Variants in PEX14 observed in about 807,000 individuals in gnomAD.
PEX14 encodes the protein peroxisomal membrane protein PEX14.
PEX14 carries 15 observed loss-of-function variants against 49.5 expected under a neutral mutation model. That is an observed-to-expected ratio of 0.30 (90% CI 0.20 to 0.47). PEX14 has a LOEUF of 0.47. Among genes scored for constraint, PEX14 ranks in the 20% least tolerant of loss-of-function variants. The pLI is 1.00. For synonymous variants in PEX14, 210 were observed against 212.7 expected (o/e 0.99, Z 0.11); for missense variants, 398 against 494.8 (o/e 0.80, Z 1.86).
intron 2 of PEX14, among the ~76,000 whole-genome samples, chr1:10,519,901 T>C (rs2124451739): frequency 6.6e-6 from 1 of 152,208 alleles, no homozygotes; most frequent in Admixed American, 6.5e-5. Context: ...TCGACCTCCA[T>C]GTAGCTGGGA....
chr1:10,604,437 G>A (rs1457941099), intron 4 of PEX14, among the ~76,000 whole-genome samples: 2 of 152,150 alleles, frequency 1.3e-5, no homozygotes, highest in Non-Finnish European at 2.9e-5. Context: ...GGGCAACATA[G>A]TGAGATGCCA....
At chr1:10,570,912 A>G (rs1001770703) in intron 3 of PEX14, among the ~76,000 whole-genome samples, 1 of 131,122 alleles carries the variant, frequency 7.6e-6, no homozygotes, top group Admixed American at 9.6e-5. Flanking sequence ...CAGTGGCGTG[A>G]TCACAGCTCA....
Position 10,613,060 on chromosome 1 carries a change from T to G in PEX14, c.299-5272T>G, listed in dbSNP as rs1266440659. ...CTCGGCAGGATGGTTCCGTGACAGC[T>G]CTCAGCTCTGTGTTGCCGATGAACC... On this transcript the variant is annotated intron_variant, in intron 4 of 8. Coordinates refer to ENST00000356607, the MANE Select transcript of PEX14 (RefSeq NM_004565.3). This position sits in a 1 kb window ranked among gnomAD's most constrained non-coding sequence, Gnocchi z 5.0. Among the ~76,000 whole-genome samples, 1 of 152,200 alleles carries G rather than the reference T, an allele frequency of 6.6e-6. No homozygotes were observed. The highest frequency in any genetic ancestry group is 1.9e-4 in the East Asian group (1 of 5,194).
intron 1 of PEX14, among the ~76,000 whole-genome samples, chr1:10,480,913 G>C (rs1641273510): frequency 6.7e-6 from 1 of 149,480 alleles, no homozygotes; most frequent in African/African-American, 2.5e-5. Flanking sequence ...AGACATCAAG[G>C]ATATTTCATC....
At chr1:10,508,049 T>C (rs1412846875) in intron 2 of PEX14, among the ~76,000 whole-genome samples, 4 of 152,352 alleles carry the variant, frequency 2.6e-5, no homozygotes. Flanking sequence ...ACCACTGTCA[T>C]ATGGTTGATT....
rs961544876 is a variant in PEX14 at position 10,597,444 on chromosome 1, G to A, written c.170-1794G>A. On this transcript the variant is annotated intron_variant, in intron 3 of 8. Coordinates refer to ENST00000356607, the MANE Select transcript of PEX14 (RefSeq NM_004565.3). This position sits in a 1 kb window ranked among gnomAD's most constrained non-coding sequence, Gnocchi z 5.7. ...AACCTGAGAGGCACAAACTCAGGGC[G>A]GGGGTATTCTCTGTTGTTGCCTGGC... Among the ~76,000 whole-genome samples the A allele has an allele frequency of 1.3e-5, 2 of 152,192 alleles. No homozygotes were observed. Among genetic ancestry groups the A allele is most frequent in the African/African-American group, 4.8e-5 (2 of 41,446 alleles).
intron 3 of PEX14, 169 bp downstream of exon 3, chr1:10,536,466 TC>T (rs1298622400): frequency 7.6e-6 from 5 of 655,642 alleles, no homozygotes; most frequent in Non-Finnish European, 1.4e-5. Flanking sequence ...CAGGTTTCTT[TC>T]CTGACAATGG....
rs1292939056 is a variant in PEX14 at position 10,514,440 on chromosome 1, A to G, written c.84+19119A>G. Among the ~76,000 whole-genome samples, 2 of 152,294 alleles carry G rather than the reference A, an allele frequency of 1.3e-5. No individual in the cohort carries two copies. Among genetic ancestry groups the G allele is most frequent in the Non-Finnish European group, 1.5e-5 (1 of 68,030 alleles). On this transcript the variant is annotated intron_variant, in intron 2 of 8. Transcript: ENST00000356607. The surrounding 1 kb of genome is among the most constrained non-coding windows in gnomAD (Gnocchi z 4.4). ...TGTAACAATATACAGTGTTTGTTCA[A>G]TGTCCTGGCAGGAAATTGGTCTATT...
intron 3 of PEX14, among the ~76,000 whole-genome samples, chr1:10,541,781 C>T (rs370321105): frequency 4.6e-4 from 70 of 152,318 alleles, no homozygotes; most frequent in African/African-American, 1.7e-3. Context: ...CAGGACGAGA[C>T]CTACGGCAGC....
At chr1:10,546,679 A>G (rs1639184282) in intron 3 of PEX14, among the ~76,000 whole-genome samples, 1 of 151,166 alleles carries the variant, frequency 6.6e-6, no homozygotes, top group African/African-American at 2.4e-5. Flanking sequence ...ATCCTGGCCA[A>G]CACCGTGAAA....
chr1:10,565,820 C>T (rs1639787299), intron 3 of PEX14, among the ~76,000 whole-genome samples: 2 of 151,740 alleles, frequency 1.3e-5, no homozygotes, highest in South Asian at 4.2e-4. Context: ...TTGAGACCAG[C>T]CTGGGCGACC....
chr1:10,582,399 A>G (rs1640346433), intron 3 of PEX14, among the ~76,000 whole-genome samples: 1 of 152,194 alleles, frequency 6.6e-6, no homozygotes. Flanking sequence ...CAACACCATT[A>G]AAATCCTCAG....
At chr1:10,484,239 TG>T (rs1321360550) in intron 1 of PEX14, among the ~76,000 whole-genome samples, 3 of 151,572 alleles carry the variant, frequency 2.0e-5, no homozygotes, top group African/African-American at 7.3e-5. Context: ...GGTTTCACCA[TG>T]TTGGCCAGAG....
At chr1:10,581,722 A>T (rs1182345914) in intron 3 of PEX14, among the ~76,000 whole-genome samples, 1 of 149,006 alleles carries the variant, frequency 6.7e-6, no homozygotes, top group Non-Finnish European at 1.5e-5. Context: ...ATAATTTATA[A>T]GTTTATAATA....
At chr1:10,549,496 C>T (rs1366043928) in intron 3 of PEX14, among the ~76,000 whole-genome samples, 2 of 152,162 alleles carry the variant, frequency 1.3e-5, no homozygotes, top group African/African-American at 4.8e-5. Flanking sequence ...AAATATGGAG[C>T]TCCATGATGT....
intron 2 of PEX14, among the ~76,000 whole-genome samples, chr1:10,532,853 A>C (rs779514379): frequency 1.5e-4 from 23 of 152,198 alleles, no homozygotes; most frequent in Non-Finnish European, 5.9e-5. Context: ...AGTCAGTTGA[A>C]TTGCTTCATG....
chr1:10,549,121 T>A (rs1353644872), intron 3 of PEX14, among the ~76,000 whole-genome samples: 1 of 152,120 alleles, frequency 6.6e-6, no homozygotes, highest in Non-Finnish European at 1.5e-5. Context: ...TATATCATGG[T>A]ATGTCAGGAA....
intron 3 of PEX14, among the ~76,000 whole-genome samples, chr1:10,593,111 G>C (rs759126205): frequency 3.9e-5 from 6 of 152,154 alleles, no homozygotes; most frequent in Non-Finnish European, 5.9e-5. Flanking sequence ...GACGTGGCTG[G>C]GTGATGTCCA....
intron 3 of PEX14, among the ~76,000 whole-genome samples, chr1:10,559,688 ATG>A (rs1639593732): frequency 6.6e-6 from 1 of 152,208 alleles, no homozygotes; most frequent in Admixed American, 6.5e-5. Flanking sequence ...TAAATGAAAC[ATG>A]GACGCTGTAG....
Sources: gnomAD v4.1 joint callset for allele counts (sites outside exome capture counted in the v4.1 genomes callset) on GRCh38, gnomAD v4.1.1 for gene constraint, Gnocchi (gnomAD v3.1) non-coding constraint, MANE v1.5 for transcripts, NCBI Gene and HGNC (gene_info 2026-07-23, HGNC 2026-07-21) for gene names.